Variants in GRM7 observed in about 807,000 individuals in gnomAD.
GRM7 encodes the protein glutamate metabotropic receptor 7, also known as metabotropic glutamate receptor 7.
In GRM7, 35 loss-of-function variants were observed where a neutral mutation model predicts 84.5. That is an observed-to-expected ratio of 0.41 (90% CI 0.32 to 0.55). The LOEUF is 0.55. GRM7 is among the 20% of genes least tolerant of loss of function. The probability of loss-of-function intolerance (pLI) is 0.19; values close to 1 mark genes in which losing one functional copy is unlikely to be tolerated. For synonymous variants in GRM7, 487 were observed against 455.1 expected (o/e 1.07, Z -0.89); for missense variants, 1,003 against 1,194.6 (o/e 0.84, Z 2.36).
intron 1 of GRM7, among the ~76,000 whole-genome samples, chr3:7,042,266 T>A (rs925232283): frequency 6.6e-6 from 1 of 151,444 alleles, no homozygotes; most frequent in African/African-American, 2.4e-5. Context: ...GGAGGAGGGG[T>A]GGGAGCAACA....
At chr3:7,306,692 C>T (rs1441088689) in intron 4 of GRM7, 40 bp downstream of exon 4, 4 of 1,520,100 alleles carry the variant, frequency 2.6e-6, no homozygotes, top group Non-Finnish European at 3.5e-6. Flanking sequence ...GAGAGAAGTT[C>T]TGGTGCCATG....
chr3:7,136,495 C>A (rs112103357), intron 1 of GRM7, among the ~76,000 whole-genome samples: 6 of 151,538 alleles, frequency 4.0e-5, no homozygotes, highest in African/African-American at 1.5e-4. Context: ...TACCTTTGAT[C>A]TTCCATCCAA....
Position 7,660,363 on chromosome 3 carries a change from G to A in GRM7, c.2452-19686G>A, listed in dbSNP as rs191599435. Among the ~76,000 whole-genome samples, 434 of 152,282 alleles carry A rather than the reference G, an allele frequency of 2.8e-3. 7 individuals carry two copies. The highest frequency in any genetic ancestry group is 0.017 in the Middle Eastern group (5 of 294). ...TTGAATTTAATTAGGAAAGAACAAA[G>A]GGATGCAGAAGGCAGGACATTTTAT... On this transcript the variant is annotated intron_variant, in intron 8 of 9. Coordinates refer to ENST00000357716, the MANE Select transcript of GRM7 (RefSeq NM_000844.4).
At chr3:7,260,365 C>A (rs1029474691) in intron 2 of GRM7, among the ~76,000 whole-genome samples, 1 of 152,034 alleles carries the variant, frequency 6.6e-6, no homozygotes, top group African/African-American at 2.4e-5. Flanking sequence ...TTGTCAGTTC[C>A]TATGTCCAGA....
Position 7,012,673 on chromosome 3 carries a change from C to T in GRM7, c.520-133779C>T, listed in dbSNP as rs191092761. Among the ~76,000 whole-genome samples, 8 of 152,232 alleles carry T rather than the reference C, an allele frequency of 5.3e-5. No homozygotes were observed. In the East Asian group the frequency reaches 1.5e-3, roughly 29 times the overall value. ...CCATAGAAAAGGAACGTCCTTACCT[C>T]CAAAGATGCAGAGACACAGACAAAG... On this transcript the variant is annotated intron_variant, in intron 1 of 9. Transcript: ENST00000357716.
At chr3:7,390,656 A>C (rs1303834106) in intron 4 of GRM7, among the ~76,000 whole-genome samples, 1 of 152,098 alleles carries the variant, frequency 6.6e-6, no homozygotes, top group East Asian at 1.9e-4. Flanking sequence ...TAAGGCGTCC[A>C]ATTGTATTTT....
intron 9 of GRM7, among the ~76,000 whole-genome samples, chr3:7,707,897 A>G (rs2125163486): frequency 6.7e-6 from 1 of 149,222 alleles, no homozygotes; most frequent in Admixed American, 6.7e-5. Flanking sequence ...CTTTTGTGGT[A>G]CCACAATAGA....
intron 2 of GRM7, among the ~76,000 whole-genome samples, chr3:7,190,213 C>T (rs1308410219): frequency 6.6e-6 from 1 of 152,090 alleles, no homozygotes; most frequent in Non-Finnish European, 1.5e-5. Context: ...TCTTACTGGT[C>T]TTATTTAGTA....
chr3:7,383,361 T>C (rs1694661990), intron 4 of GRM7, among the ~76,000 whole-genome samples: 1 of 152,172 alleles, frequency 6.6e-6, no homozygotes, highest in South Asian at 2.1e-4. Context: ...AAAGTGGGGA[T>C]GGACATAAAG....
chr3:7,157,326 C>T (rs1382557092), intron 2 of GRM7, among the ~76,000 whole-genome samples: 1 of 151,932 alleles, frequency 6.6e-6, no homozygotes, highest in African/African-American at 2.4e-5. Flanking sequence ...GAGTAAATAG[C>T]AAGGGAGAAA....
intron 1 of GRM7, among the ~76,000 whole-genome samples, chr3:6,896,637 A>T (rs141357423): frequency 1.7e-4 from 26 of 152,212 alleles, no homozygotes; most frequent in African/African-American, 4.8e-4. Context: ...TTTGCTTTCC[A>T]CTTTAGAGAG....
At chr3:7,641,058 C>CTG (rs1342126687) in intron 8 of GRM7, among the ~76,000 whole-genome samples, 31 of 152,240 alleles carry the variant, frequency 2.0e-4, no homozygotes, top group African/African-American at 5.5e-4. Flanking sequence ...GTTGTTGACT[C>CTG]AATCTAAACT....
At chr3:7,576,718 G>A (rs1348526833) in intron 7 of GRM7, among the ~76,000 whole-genome samples, 1 of 152,062 alleles carries the variant, frequency 6.6e-6, no homozygotes, top group Non-Finnish European at 1.5e-5. Flanking sequence ...ACTACATATG[G>A]AGAAAATCAG....
chr3:7,331,115 G>A (rs1701192670), intron 4 of GRM7, among the ~76,000 whole-genome samples: 1 of 152,142 alleles, frequency 6.6e-6, no homozygotes, highest in Admixed American at 6.6e-5. Flanking sequence ...CACAAGATCG[G>A]GGATCCATGT....
At chr3:7,265,404 T>C (rs1361891283) in intron 2 of GRM7, among the ~76,000 whole-genome samples, 2 of 152,224 alleles carry the variant, frequency 1.3e-5, no homozygotes, top group Non-Finnish European at 2.9e-5. Context: ...TGGATAATAT[T>C]ATTATCCACA....
chr3:7,712,105 T>C (rs1701599097), intron 9 of GRM7, among the ~76,000 whole-genome samples: 1 of 152,158 alleles, frequency 6.6e-6, no homozygotes, highest in South Asian at 2.1e-4. Context: ...TGCCTTCCTG[T>C]TCCCCGTGCC....
intron 1 of GRM7, among the ~76,000 whole-genome samples, chr3:6,962,678 C>T (rs1473783729): frequency 6.6e-6 from 1 of 152,152 alleles, no homozygotes; most frequent in Non-Finnish European, 1.5e-5. Flanking sequence ...TAAGGTCACA[C>T]AACTAGTAGT....
At chr3:7,680,962 C>T (rs1271072010) in intron 9 of GRM7, 1 of 152,352 alleles carries the variant, frequency 6.6e-6, no homozygotes, top group Non-Finnish European at 1.5e-5. Flanking sequence ...TATGGCATAT[C>T]TGCAAAACTC....
intron 1 of GRM7, among the ~76,000 whole-genome samples, chr3:7,129,439 C>A (rs985601558): frequency 6.6e-6 from 1 of 152,034 alleles, no homozygotes; most frequent in African/African-American, 2.4e-5. Context: ...AAGCTTGATT[C>A]GAGGTGACAA....
Sources: gnomAD v4.1 joint callset for allele counts (sites outside exome capture counted in the v4.1 genomes callset) on GRCh38, gnomAD v4.1.1 for gene constraint, MANE v1.5 for transcripts, NCBI Gene and HGNC (gene_info 2026-07-23, HGNC 2026-07-21) for gene names.